The following RIMS2 variants were observed in gnomAD, a reference collection of about 807,000 sequenced individuals.
The protein encoded by RIMS2 is regulating synaptic membrane exocytosis protein 2.
A neutral mutation model predicts 174.4 loss-of-function variants in RIMS2; 59 were observed. The ratio of observed to expected loss-of-function variants is 0.34; its 90% CI spans 0.27 to 0.42. The LOEUF (loss-of-function observed/expected upper bound fraction) is 0.42. RIMS2 is among the 10% of genes least tolerant of loss of function. The probability of loss-of-function intolerance (pLI) is 1.00; values close to 1 mark genes in which losing one functional copy is unlikely to be tolerated. For missense variants in RIMS2, 1,620 were observed against 1,666.3 expected (o/e 0.97, Z 0.48); for synonymous variants, 606 against 572.5 (o/e 1.06, Z -0.84).
intron 3 of RIMS2, among the ~76,000 whole-genome samples, chr8:103,802,754 G>A (rs2154456621): frequency 6.6e-6 from 1 of 152,310 alleles, no homozygotes; most frequent in East Asian, 1.9e-4. Context: ...GGAAAGAAGA[G>A]TGAGACTAAG....
Position 103,788,879 on chromosome 8 carries a change from G to A in RIMS2, c.698+22342G>A, listed in dbSNP as rs563692022. On this transcript the variant is annotated intron_variant, in intron 3 of 23. Coordinates refer to ENST00000504942, the Ensembl canonical transcript of RIMS2. ...GCGCCCCTCCCCCAGCCTCGCCGCC[G>A]CCTTGCAGTTTGATCTCAGACTGCT... Among the ~76,000 whole-genome samples the A allele has an allele frequency of 1.3e-3, 201 of 152,244 alleles. 3 individuals are homozygous for A. In the South Asian group the frequency reaches 0.017, roughly 13 times the overall value.
At chr8:103,537,829 T>C (rs980888954) in intron 1 of RIMS2, among the ~76,000 whole-genome samples, 1 of 152,098 alleles carries the variant, frequency 6.6e-6, no homozygotes, top group Admixed American at 6.5e-5. Context: ...ATGGAAAGGT[T>C]AGTTTTCTAT....
intron 19 of RIMS2, among the ~76,000 whole-genome samples, chr8:104,181,780 T>C (rs973346606): frequency 6.6e-6 from 1 of 151,752 alleles, no homozygotes; most frequent in African/African-American, 2.4e-5. Context: ...CAGTAATCTT[T>C]GGGTAACATT....
chr8:103,783,774 T>A lies in RIMS2; in HGVS notation c.698+17237T>A, dbSNP rs2098415290. On this transcript the variant is annotated intron_variant, in intron 3 of 23. Transcript: ENST00000504942. The stretch of plus-strand genomic sequence containing the variant: ...GCAGCATGATTTATAGTCCTTTGGG[T>A]ATATGCCCAGTAATGGGATGGCTGG... Among the ~76,000 whole-genome samples the A allele has an allele frequency of 3.3e-5, 5 of 150,116 alleles. No individual in the cohort carries two copies. The South Asian group carries it at 1.1e-3, about 32-fold the overall frequency.
intron 19 of RIMS2, among the ~76,000 whole-genome samples, chr8:104,028,354 A>G (rs1466127903): frequency 6.6e-6 from 1 of 152,146 alleles, no homozygotes; most frequent in East Asian, 1.9e-4. Flanking sequence ...ATTACCTAAT[A>G]TTTATTAAAT....
At chr8:104,138,474 G>A (rs1365209280) in intron 19 of RIMS2, among the ~76,000 whole-genome samples, 1 of 151,900 alleles carries the variant, frequency 6.6e-6, no homozygotes, top group African/African-American at 2.4e-5. Context: ...TTTTAACCAG[G>A]GTGAAATGAT....
intron 1 of RIMS2, among the ~76,000 whole-genome samples, chr8:103,568,062 G>T (rs2092511631): frequency 6.6e-6 from 1 of 152,106 alleles, no homozygotes; most frequent in Non-Finnish European, 1.5e-5. Context: ...GAGCCCAGGA[G>T]TTCAAGACCA....
exon 4 of RIMS2, chr8:103,886,165 G>C: frequency 6.2e-7 from 1 of 1,612,386 alleles, no homozygotes; most frequent in Non-Finnish European, 8.5e-7. Context: ...TGGCTTCCAC[G>C]CCTGAATATA....
chr8:103,585,608 C>T (rs1000735091), intron 1 of RIMS2, among the ~76,000 whole-genome samples: 1 of 151,994 alleles, frequency 6.6e-6, no homozygotes, highest in African/African-American at 2.4e-5. Flanking sequence ...TGGAAACCAC[C>T]ATTCTCAGCA....
At chr8:103,652,702 GC>G (rs1564166686) in intron 1 of RIMS2, 1 of 1,347,664 alleles carries the variant, frequency 7.4e-7, no homozygotes, top group South Asian at 1.1e-5. Context: ...ATGAAAAGGA[GC>G]CCCAGACGTA....
chr8:104,020,429 CATAAGT>C (rs1000346991), intron 19 of RIMS2, among the ~76,000 whole-genome samples: 4 of 151,936 alleles, frequency 2.6e-5, no homozygotes, highest in East Asian at 1.9e-4. Flanking sequence ...TTAAAATAAG[CATAAGT>C]ATTAGTCTCA....
At chr8:103,550,355 C>A (rs1847168801) in intron 1 of RIMS2, among the ~76,000 whole-genome samples, 2 of 151,988 alleles carry the variant, frequency 1.3e-5, no homozygotes, top group South Asian at 4.2e-4. Flanking sequence ...CTGAATGGCC[C>A]CTGGGTACCA....
intron 1 of RIMS2, among the ~76,000 whole-genome samples, chr8:103,530,737 A>G (rs771189495): frequency 3.4e-4 from 51 of 152,048 alleles, no homozygotes; most frequent in Non-Finnish European, 6.9e-4. Context: ...TTTATGCATA[A>G]TAATATAGGC....
intron 19 of RIMS2, among the ~76,000 whole-genome samples, chr8:104,228,909 G>C (rs1470196742): frequency 6.6e-6 from 1 of 152,074 alleles, no homozygotes; most frequent in East Asian, 1.9e-4. Flanking sequence ...AAAGATTTTG[G>C]AATTAAGAAA....
intron 1 of RIMS2, among the ~76,000 whole-genome samples, chr8:103,516,012 T>G (rs2130003307): frequency 6.6e-6 from 1 of 152,266 alleles, no homozygotes; most frequent in African/African-American, 2.4e-5. Flanking sequence ...CACTTACTAA[T>G]ATCATTGAAA....
At chr8:103,631,129 A>G (rs1370894637) in intron 1 of RIMS2, among the ~76,000 whole-genome samples, 1 of 152,102 alleles carries the variant, frequency 6.6e-6, no homozygotes, top group East Asian at 1.9e-4. Flanking sequence ...GTTTAATTAG[A>G]TCCCATTTGT....
At chr8:103,758,883 C>T (rs2098069361) in intron 2 of RIMS2, among the ~76,000 whole-genome samples, 1 of 152,072 alleles carries the variant, frequency 6.6e-6, no homozygotes, top group African/African-American at 2.4e-5. Context: ...TAAATTTAGG[C>T]AAAGTGGTAA....
intron 2 of RIMS2, among the ~76,000 whole-genome samples, chr8:103,714,144 C>A (rs955164295): frequency 6.6e-6 from 1 of 152,098 alleles, no homozygotes; most frequent in Non-Finnish European, 1.5e-5. Context: ...CTGTTTAATT[C>A]CCCTTGACTG....
At chr8:103,635,888 A>G (rs1163848484) in intron 1 of RIMS2, among the ~76,000 whole-genome samples, 1 of 150,744 alleles carries the variant, frequency 6.6e-6, no homozygotes, top group African/African-American at 2.4e-5. Flanking sequence ...GGGAATTTAG[A>G]TCTCTTTTGG....
Sources: allele counts gnomAD v4.1 joint callset (sites outside exome capture counted in the v4.1 genomes callset), GRCh38; gene constraint gnomAD v4.1.1; transcripts MANE v1.5; gene names NCBI Gene and HGNC (gene_info 2026-07-23, HGNC 2026-07-21).